Variants in PDE4D observed in about 807,000 individuals in gnomAD.
PDE4D encodes the protein phosphodiesterase 4D.
In PDE4D, 24 loss-of-function variants were observed where a neutral mutation model predicts 87.4. The observed-to-expected ratio is 0.27, with a 90% CI of 0.20 to 0.39. The LOEUF is 0.39. PDE4D is among the 10% of genes least tolerant of loss of function. PDE4D has a pLI of 1.00. For missense variants in PDE4D, 714 were observed against 1,041.0 expected, an observed-to-expected ratio of 0.69 and a Z score of 4.32; for synonymous variants, 384 against 383.2, an observed-to-expected ratio of 1.00 and a Z score of -0.02.
intron 3 of PDE4D, among the ~76,000 whole-genome samples, chr5:59,925,733 A>G (rs1047849663): frequency 2.6e-5 from 4 of 152,232 alleles, no homozygotes; most frequent in Non-Finnish European, 5.9e-5. Flanking sequence ...TATCAGACAA[A>G]ATAAATTTCA....
rs1554032275 is a variant in PDE4D at position 58,973,777 on chromosome 5, A to AAAGT, written c.*883_*886dup. On this transcript the variant is annotated 3_prime_UTR_variant, in exon 15 of 15. Transcript: ENST00000340635. The stretch of plus-strand genomic sequence containing the variant: ...ATCTGGAAAGAGTGAAACAAAATGC[A>AAAGT]AAGTAAATAATAAAGACTTACAAAA... The AAAGT allele has an allele frequency of 6.8e-6, 1 of 147,974 alleles. No homozygotes were observed. Among genetic ancestry groups the AAAGT allele is most frequent in the African/African-American group, 2.5e-5 (1 of 40,286 alleles). The allele number at this position is 147,974 out of a possible 1,614,324, so 9.2% of individuals were successfully genotyped here.
At chr5:59,357,117 T>C (rs1781508745) in intron 1 of PDE4D, 1 of 358,148 alleles carries the variant, frequency 2.8e-6, no homozygotes, top group African/African-American at 2.1e-5. Context: ...TGAGAAACAC[T>C]CCCTCGAAAA....
In PDE4D at chr5:59,193,515, C is replaced by T; in HGVS notation, c.669G>A (p.Val223=). The change falls in exon 3 of 15, where the codon GTG becomes GTA. Residue 223 remains valine (V), a synonymous_variant. Transcript: ENST00000340635. ...CTGTGCTTACCTGAGCAAATGGAGT[C>T]ACAATCAAGTCATCTCCGTGTCTGA... ...ASDIHGDDLI[V]TPFAQVLASL... is the part of the protein sequence containing the mutation. 1.2e-6 allele frequency: 2 copies of T among 1,613,674 alleles called. No individual in the cohort carries two copies. The highest frequency in any genetic ancestry group is 1.7e-6 in the Non-Finnish European group (2 of 1,179,740).
chr5:59,214,032 TCACACA>T (rs199738839), intron 2 of PDE4D, among the ~76,000 whole-genome samples: 14,259 of 132,620 alleles, frequency 0.11, 816 homozygotes, highest in Middle Eastern at 0.19. Context: ...CATACATACT[TCACACA>T]CACACACACA....
chr5:59,670,640 CT>C (rs1306130769), intron 1 of PDE4D, among the ~76,000 whole-genome samples: 1 of 152,060 alleles, frequency 6.6e-6, no homozygotes, highest in Non-Finnish European at 1.5e-5. Context: ...GGTTGAAACA[CT>C]TCTGGTCCCA....
chr5:59,442,467 G>A (rs770517097), intron 1 of PDE4D, among the ~76,000 whole-genome samples: 14 of 152,208 alleles, frequency 9.2e-5, no homozygotes, highest in Non-Finnish European at 1.9e-4. Flanking sequence ...GAGATTAAAT[G>A]AGAGCTCATA....
At chr5:59,366,999 G>A (rs1161257417) in intron 1 of PDE4D, among the ~76,000 whole-genome samples, 4 of 152,180 alleles carry the variant, frequency 2.6e-5, no homozygotes, top group Non-Finnish European at 5.9e-5. Flanking sequence ...GCTTACAAAG[G>A]CATCCTATCA....
At chr5:60,071,153 AT>A (rs563442328) in intron 2 of PDE4D, among the ~76,000 whole-genome samples, 18 of 151,134 alleles carry the variant, frequency 1.2e-4, no homozygotes, top group African/African-American at 2.2e-4. Context: ...TAGTTGTCTT[AT>A]TTTTTTCTAT....
chr5:59,768,115 A>G lies in PDE4D; in HGVS notation c.455+125053T>C, dbSNP rs961830934. The stretch of plus-strand genomic sequence containing the variant: ...TTTGTGGGATTTATGGTTAAGGGAG[A>G]TCACTTGGCCATAAATCCCCGGTGA... On this transcript the variant is annotated intron_variant, in intron 1 of 14. Transcript: ENST00000340635. 13 of 1,114,530 alleles carry G rather than the reference A, an allele frequency of 1.2e-5. No homozygotes were observed. In the East Asian group the frequency reaches 2.8e-4, roughly 24 times the overall value. The allele number at this position is 1,114,530 out of a possible 1,614,324, so 69.0% of individuals were successfully genotyped here.
intron 1 of PDE4D, among the ~76,000 whole-genome samples, chr5:59,383,347 T>C (rs554894711): frequency 6.6e-6 from 1 of 152,192 alleles, no homozygotes; most frequent in South Asian, 2.1e-4. Context: ...AGTCTCAGGA[T>C]ATTTGCATTC....
chr5:59,855,212 T>G (rs1354944557), intron 1 of PDE4D, among the ~76,000 whole-genome samples: 1 of 152,120 alleles, frequency 6.6e-6, no homozygotes, highest in Non-Finnish European at 1.5e-5. Context: ...TGGAACTTGA[T>G]GTACCCCTAG....
chr5:60,291,419 A>T (rs759559735), intron 1 of PDE4D, among the ~76,000 whole-genome samples: 16 of 152,194 alleles, frequency 1.1e-4, no homozygotes, highest in Non-Finnish European at 1.9e-4. Context: ...AATTCAATTT[A>T]AAAAAGAACT....
At chr5:59,845,449 C>T (rs1269831255) in intron 1 of PDE4D, among the ~76,000 whole-genome samples, 1 of 152,056 alleles carries the variant, frequency 6.6e-6, no homozygotes, top group African/African-American at 2.4e-5. Context: ...TTCTCACCTG[C>T]ATGTCTCTTG....
intron 5 of PDE4D, among the ~76,000 whole-genome samples, chr5:59,112,062 A>G (rs184606602): frequency 3.5e-4 from 54 of 152,334 alleles, no homozygotes; most frequent in African/African-American, 1.3e-3. Context: ...TGGGAATGGT[A>G]TTAATGTGCG....
intron 2 of PDE4D, among the ~76,000 whole-genome samples, chr5:59,994,547 G>GGTCT (rs2152834689): frequency 6.6e-6 from 1 of 152,070 alleles, no homozygotes; most frequent in Non-Finnish European, 1.5e-5. Flanking sequence ...AATGTGTATG[G>GGTCT]GTCTGTGTAT....
At chr5:59,187,771 T>G (rs188006365) in intron 3 of PDE4D, among the ~76,000 whole-genome samples, 28 of 152,242 alleles carry the variant, frequency 1.8e-4, no homozygotes, top group East Asian at 1.7e-3. Flanking sequence ...TGTGTGTGTG[T>G]GGGTTTTTTT....
intron 1 of PDE4D, among the ~76,000 whole-genome samples, chr5:59,306,698 T>G (rs12189022): frequency 1.3e-5 from 2 of 149,152 alleles, no homozygotes; most frequent in Non-Finnish European, 3.0e-5. Context: ...CACTGCTCAA[T>G]GAAATAAAAG....
chr5:60,292,115 A>G (rs1752950066), intron 1 of PDE4D, among the ~76,000 whole-genome samples: 1 of 152,166 alleles, frequency 6.6e-6, no homozygotes, highest in African/African-American at 2.4e-5. Flanking sequence ...GCATATTGAA[A>G]ACTACATTTT....
At chr5:60,107,428 T>G (rs974003157) in intron 2 of PDE4D, among the ~76,000 whole-genome samples, 30 of 152,150 alleles carry the variant, frequency 2.0e-4, no homozygotes, top group African/African-American at 7.2e-4. Flanking sequence ...CTACCAGAGG[T>G]ACAAGGAGGA....
Sources: gnomAD v4.1 joint callset for allele counts (sites outside exome capture counted in the v4.1 genomes callset) on GRCh38, gnomAD v4.1.1 for gene constraint, MANE v1.5 for transcripts, NCBI Gene and HGNC (gene_info 2026-07-23, HGNC 2026-07-21) for gene names.